Variants in DCDC1 observed in about 807,000 individuals in gnomAD.
DCDC1 encodes doublecortin domain containing 1.
DCDC1 carries 200 observed loss-of-function variants against 178.3 expected under a neutral mutation model. That is an observed-to-expected ratio of 1.12 (90% CI 1.00 to 1.26). The LOEUF is 1.26. Ranked by LOEUF, DCDC1 falls within the 50% of genes most tolerant of loss-of-function variation. The pLI, the probability that DCDC1 is intolerant of heterozygous loss-of-function variation, is 0.00. For missense variants in DCDC1, 1,983 were observed against 1,749.2 expected (o/e 1.13, Z -2.38); for synonymous variants, 690 against 604.8 (o/e 1.14, Z -2.07).
At chr11:31,351,737 T>A (rs1951084589) in intron 1 of DCDC1, among the ~76,000 whole-genome samples, 1 of 152,144 alleles carries the variant, frequency 6.6e-6, no homozygotes, top group South Asian at 2.1e-4. Context: ...AAGTTTAATA[T>A]TCACATGCAT....
intron 6 of DCDC1, among the ~76,000 whole-genome samples, chr11:31,297,738 G>A (rs901518599): frequency 1.3e-5 from 2 of 152,200 alleles, no homozygotes; most frequent in Admixed American, 6.5e-5. Flanking sequence ...AACTCCTAGG[G>A]CTGAGGCTAT....
At chr11:31,309,085 C>A (rs956942060) in intron 3 of DCDC1, among the ~76,000 whole-genome samples, 1 of 151,658 alleles carries the variant, frequency 6.6e-6, no homozygotes, top group African/African-American at 2.4e-5. Context: ...GTAAAATGGT[C>A]AATTATTTCC....
At chr11:31,324,211 C>G (rs1949526256) in intron 3 of DCDC1, among the ~76,000 whole-genome samples, 1 of 151,796 alleles carries the variant, frequency 6.6e-6, no homozygotes, top group South Asian at 2.1e-4. Context: ...AACTTGTTTA[C>G]TTTGCAGAAG....
chr11:30,970,703 T>G (rs1284985817), intron 20 of DCDC1, among the ~76,000 whole-genome samples: 1 of 152,198 alleles, frequency 6.6e-6, no homozygotes, highest in African/African-American at 2.4e-5. Flanking sequence ...CTATGGTTTC[T>G]GCCAATGACA....
At position 31,346,219 on chromosome 11, in the gene DCDC1, C is replaced by A. The variant is rs1564913369; in HGVS notation, c.-124-10655G>T. ...GAAAAATGTTACAAATGAAGAGACTCAAGAATCATAGGAGGGTGGATCACA... is the reference window on the plus strand; with the variant it reads ...GAAAAATGTTACAAATGAAGAGACTAAAGAATCATAGGAGGGTGGATCACA... On this transcript the variant is annotated intron_variant, in intron 1 of 38. Transcript: ENST00000684477. Among the ~76,000 whole-genome samples the A allele has an allele frequency of 4.6e-5, 7 of 151,786 alleles. No homozygotes were observed. The South Asian group carries it at 1.2e-3, about 27-fold the overall frequency.
At chr11:31,274,395 A>G (rs1279604225) in intron 7 of DCDC1, among the ~76,000 whole-genome samples, 1 of 152,150 alleles carries the variant, frequency 6.6e-6, no homozygotes, top group Non-Finnish European at 1.5e-5. Context: ...CTTTTAGTCT[A>G]GTGCTGGATA....
intron 38 of DCDC1, among the ~76,000 whole-genome samples, chr11:30,874,065 T>C (rs273617): frequency 0.69 from 105,155 of 152,062 alleles, 36,742 homozygotes; most frequent in Middle Eastern, 0.81. Context: ...TAGACTCAAA[T>C]ACTCACATAC....
At chr11:31,054,763 T>C (rs1273531918) in intron 20 of DCDC1, among the ~76,000 whole-genome samples, 2 of 152,212 alleles carry the variant, frequency 1.3e-5, no homozygotes, top group Non-Finnish European at 2.9e-5. Flanking sequence ...CAAATGGTGC[T>C]GGGATAAGTG....
At chr11:31,052,961 C>T (rs1158271208) in intron 20 of DCDC1, among the ~76,000 whole-genome samples, 1 of 151,868 alleles carries the variant, frequency 6.6e-6, no homozygotes, top group Non-Finnish European at 1.5e-5. Context: ...CCAAACCCCA[C>T]AGAAGAAAGG....
At chr11:31,336,133 T>G (rs1050349335) in intron 1 of DCDC1, among the ~76,000 whole-genome samples, 1 of 152,160 alleles carries the variant, frequency 6.6e-6, no homozygotes, top group African/African-American at 2.4e-5. Flanking sequence ...TAATAGGTAA[T>G]AAATGCTAAG....
chr11:31,186,349 C>T (rs1358048071), intron 9 of DCDC1, among the ~76,000 whole-genome samples: 1 of 152,200 alleles, frequency 6.6e-6, no homozygotes, highest in Non-Finnish European at 1.5e-5. Flanking sequence ...CTTTATCTTT[C>T]AGGTTTTAGC....
intron 17 of DCDC1, among the ~76,000 whole-genome samples, chr11:31,085,626 T>A (rs1273253797): frequency 6.6e-6 from 1 of 152,176 alleles, no homozygotes; most frequent in Non-Finnish European, 1.5e-5. Context: ...TGTTCACCTA[T>A]GGATGGGATG....
intron 7 of DCDC1, among the ~76,000 whole-genome samples, chr11:31,274,550 A>C (rs948776763): frequency 1.3e-5 from 2 of 151,824 alleles, no homozygotes; most frequent in Non-Finnish European, 2.9e-5. Flanking sequence ...AGCATATGAA[A>C]AGGCTCCATG....
At chr11:30,898,084 G>A (rs1334014923) in intron 34 of DCDC1, among the ~76,000 whole-genome samples, 1 of 152,124 alleles carries the variant, frequency 6.6e-6, no homozygotes, top group Non-Finnish European at 1.5e-5. Context: ...TGTCTGGGGA[G>A]CTAAAAGAAA....
At chr11:31,275,296 T>C (rs1447374419) in intron 7 of DCDC1, among the ~76,000 whole-genome samples, 2 of 152,182 alleles carry the variant, frequency 1.3e-5, no homozygotes, top group South Asian at 2.1e-4. Flanking sequence ...ACCAATTCTT[T>C]TTAGTACCAG....
intron 21 of DCDC1, among the ~76,000 whole-genome samples, chr11:30,939,039 G>A (rs1947464266): frequency 6.6e-6 from 1 of 152,020 alleles, no homozygotes; most frequent in Admixed American, 6.6e-5. Flanking sequence ...CCACAGACTG[G>A]GACTCCACAC....
At chr11:31,279,920 G>T (rs1435021508) in intron 7 of DCDC1, among the ~76,000 whole-genome samples, 3 of 151,860 alleles carry the variant, frequency 2.0e-5, no homozygotes, top group Non-Finnish European at 4.4e-5. Context: ...AAGATTATCT[G>T]TAATTTTTTA....
intron 17 of DCDC1, among the ~76,000 whole-genome samples, chr11:31,089,013 A>T (rs1001680424): frequency 1.3e-5 from 2 of 152,112 alleles, no homozygotes; most frequent in Non-Finnish European, 2.9e-5. Context: ...TAGCATTGTT[A>T]TATTACCTAT....
intron 9 of DCDC1, among the ~76,000 whole-genome samples, chr11:31,145,961 A>C (rs1351630855): frequency 6.6e-6 from 1 of 152,194 alleles, no homozygotes; most frequent in Non-Finnish European, 1.5e-5. Context: ...CAAAATAACT[A>C]AATGACTGAG....
Sources: allele counts gnomAD v4.1 joint callset (sites outside exome capture counted in the v4.1 genomes callset), GRCh38; gene constraint gnomAD v4.1.1; transcripts MANE v1.5; gene names NCBI Gene and HGNC (gene_info 2026-07-23, HGNC 2026-07-21).